The following IL27RA variants were observed in gnomAD, a reference collection of about 807,000 sequenced individuals.
IL27RA encodes the protein interleukin 27 receptor subunit alpha.
A neutral mutation model predicts 80.8 loss-of-function variants in IL27RA; 61 were observed. The observed-to-expected ratio is 0.76, with a 90% CI of 0.61 to 0.93. IL27RA has a LOEUF of 0.93. Ranked by LOEUF, IL27RA falls within the 40% of genes least tolerant of loss-of-function variation. The pLI is 0.00. For missense variants in IL27RA, 735 were observed against 808.1 expected, an observed-to-expected ratio of 0.91 and a Z score of 1.10; for synonymous variants, 316 against 332.5, an observed-to-expected ratio of 0.95 and a Z score of 0.54.
intron 2 of IL27RA, among the ~76,000 whole-genome samples, chr19:14,039,043 G>A (rs2145688547): frequency 6.6e-6 from 1 of 152,136 alleles, no homozygotes; most frequent in Admixed American, 6.5e-5. Context: ...TTAGCAATTT[G>A]GGAGGCCGAG....
intron 10 of IL27RA, 32 bp from the exon 11 acceptor site, chr19:14,050,726 A>G (rs1372868532): frequency 1.3e-6 from 2 of 1,593,488 alleles, no homozygotes; most frequent in Admixed American, 1.7e-5. Flanking sequence ...AGGCTTGACC[A>G]CCTCCCCAAC....
At chr19:14,032,766 A>G (rs1975839173) in intron 2 of IL27RA, among the ~76,000 whole-genome samples, 1 of 141,880 alleles carries the variant, frequency 7.0e-6, no homozygotes, top group South Asian at 2.3e-4. Flanking sequence ...AGATCTCGCC[A>G]CTGCACTCCA....
Position 14,032,392 on chromosome 19 carries a change from C to T in IL27RA, c.107C>T (p.Ala36Val). The change falls in exon 2 of 14, where the codon GCC becomes GTC. Residue 36 changes from alanine to valine, a missense_variant. By Grantham distance (64) the Ala-to-Val change is moderately conservative. Coordinates refer to ENST00000263379, the MANE Select transcript of IL27RA (RefSeq NM_004843.4). ...LFQRTRPQGS[A>V]GPLQCYGVGP... ...CCTCTGACTCCCTCTCCAGGCAGCGCCGGGCCACTGCAGTGCTACGGAGTT... is the reference window on the plus strand; with the variant it reads ...CCTCTGACTCCCTCTCCAGGCAGCGTCGGGCCACTGCAGTGCTACGGAGTT... 6.2e-7 allele frequency: 1 copy of T among 1,612,768 alleles called. No homozygotes were observed. The highest frequency in any genetic ancestry group is 8.5e-7 in the Non-Finnish European group (1 of 1,179,098).
At chr19:14,038,772 C>T (rs556570500) in intron 2 of IL27RA, among the ~76,000 whole-genome samples, 1 of 150,132 alleles carries the variant, frequency 6.7e-6, no homozygotes, top group East Asian at 2.0e-4. Flanking sequence ...TAATTCCAGC[C>T]ACTAGGGAGG....
chr19:14,033,606 G>A (rs1385276876), intron 2 of IL27RA, among the ~76,000 whole-genome samples: 3 of 151,310 alleles, frequency 2.0e-5, no homozygotes, highest in Non-Finnish European at 2.9e-5. Context: ...CAGAGGTTGC[G>A]GTGAGCTAAG....
rs902969053 is a variant in IL27RA at position 14,045,446 on chromosome 19, A to G, written c.769-708A>G. ...GAAACCCCGTCTCTACTAAAAATAC[A>G]AAAAATTAGCCGGACGTGGTGGCAG... On this transcript the variant is annotated intron_variant, in intron 6 of 13. Coordinates refer to ENST00000263379, the MANE Select transcript of IL27RA (RefSeq NM_004843.4). 4.7e-5 allele frequency among the ~76,000 whole-genome samples: 7 copies of G among 149,250 alleles called. No homozygotes were observed. The South Asian group carries it at 6.4e-4, about 14-fold the overall frequency.
In IL27RA at chr19:14,046,452, C is replaced by T. The variant is rs969857527; in HGVS notation, c.975C>T (p.Ser325=). 1.9e-5 allele frequency: 31 copies of T among 1,614,020 alleles called. No individual in the cohort carries two copies. Among genetic ancestry groups the T allele is most frequent in the Middle Eastern group, 1.6e-4 (1 of 6,084 alleles). The change falls in exon 8 of 14, where the codon AGC becomes AGT. Residue 325 remains serine (S), a synonymous_variant. Transcript: ENST00000263379. The stretch of plus-strand genomic sequence containing the variant: ...CAGATTCAGCCTCTGCCCCCCGTAG[C>T]GTGGCAGTCAGCAGCATCGCTGGGA... The part of the protein sequence containing the change: ...VCLDSASAPR[S]VAVSSIAGST...
chr19:14,037,958 G>A (rs1975931311), intron 2 of IL27RA, among the ~76,000 whole-genome samples: 1 of 151,486 alleles, frequency 6.6e-6, no homozygotes, highest in African/African-American at 2.4e-5. Flanking sequence ...AGCCTTCCGA[G>A]TAGCTGGGAT....
intron 8 of IL27RA, among the ~76,000 whole-genome samples, chr19:14,047,183 A>G (rs765776900): frequency 5.5e-5 from 8 of 146,080 alleles, no homozygotes; most frequent in Admixed American, 4.8e-4. Context: ...AGCTGGGACT[A>G]TGGGAGCGTA....
chr19:14,050,114 C>T (rs557771556), intron 10 of IL27RA, among the ~76,000 whole-genome samples: 1 of 151,936 alleles, frequency 6.6e-6, no homozygotes, highest in South Asian at 2.1e-4. Context: ...TGCTTGAATC[C>T]GGGAGGTGGA....
chr19:14,033,590 A>G (rs2145684626), intron 2 of IL27RA, among the ~76,000 whole-genome samples: 1 of 151,864 alleles, frequency 6.6e-6, no homozygotes, highest in South Asian at 2.1e-4. Context: ...ACTTGAACCC[A>G]GGAGGCAGAG....
chr19:14,032,254 C>T, intron 1 of IL27RA, 132 bp from the exon 2 acceptor site: 2 of 762,496 alleles, frequency 2.6e-6, no homozygotes, highest in East Asian at 2.5e-5. Flanking sequence ...GGGTGCCTAG[C>T]GCCTCCCTTC....
chr19:14,045,099 G>A (rs181273166), intron 6 of IL27RA, among the ~76,000 whole-genome samples: 246 of 148,082 alleles, frequency 1.7e-3, no homozygotes, highest in African/African-American at 5.4e-3. Flanking sequence ...CAGCCTGGGT[G>A]ACAGAATGAG....
chr19:14,049,063 G>A lies in IL27RA; in HGVS notation c.1224G>A (p.Trp408Ter). 1 of 1,613,666 alleles carries A rather than the reference G, an allele frequency of 6.2e-7. No homozygotes were observed. The highest frequency in any genetic ancestry group is 1.1e-5 in the South Asian group (1 of 91,030). The stretch of plus-strand genomic sequence containing the variant: ...GCTTGGCCTCTGCATCCTCCGTCTG[G>A]GGGTTCAGGGAGGAATTAGGTAAGA... ...ASGLASASSV[W>*]GFREELAPLV... The change falls in exon 9 of 14, where the codon TGG (tryptophan) becomes TGA (stop). Residue 408 changes from tryptophan to a stop codon, truncating the protein, a stop_gained. Coordinates refer to ENST00000263379, the MANE Select transcript of IL27RA (RefSeq NM_004843.4). LOFTEE classifies it high-confidence loss of function.
intron 2 of IL27RA, among the ~76,000 whole-genome samples, chr19:14,034,658 T>TA (rs75758451): frequency 5.1e-4 from 61 of 119,358 alleles, no homozygotes; most frequent in South Asian, 5.2e-4. Flanking sequence ...AGACTCTGTC[T>TA]AAAAAAAAAA....
Position 14,031,784 on chromosome 19 carries a change from C to A in IL27RA, c.-89C>A, listed in dbSNP as rs1486905979. The stretch of plus-strand genomic sequence containing the variant: ...GTGGTTCGGCTTCCCGTTGCCGCCT[C>A]GGGCGCTGTACCCAGAGCTCGAAGA... On this transcript the variant is annotated 5_prime_UTR_variant, in exon 1 of 14. Coordinates refer to ENST00000263379, the MANE Select transcript of IL27RA (RefSeq NM_004843.4). 4.4e-6 allele frequency: 5 copies of A among 1,126,636 alleles called. No homozygotes were observed. In the African/African-American group the frequency reaches 6.4e-5, roughly 15 times the overall value. 69.8% of individuals were successfully genotyped at this position (1,126,636 alleles called of 1,614,324 possible).
intron 2 of IL27RA, 77 bp from the exon 3 acceptor site, chr19:14,039,431 C>T: frequency 2.0e-6 from 3 of 1,510,124 alleles, no homozygotes; most frequent in Admixed American, 3.9e-5. Context: ...TGCAGCCACT[C>T]TGTTGGCACA....
At chr19:14,044,177 G>A (rs1294394333) in intron 6 of IL27RA, among the ~76,000 whole-genome samples, 1 of 151,970 alleles carries the variant, frequency 6.6e-6, no homozygotes, top group Non-Finnish European at 1.5e-5. Context: ...CAGTAAATAA[G>A]CAAAGGAACA....
At chr19:14,039,106 GA>G (rs1355531325) in intron 2 of IL27RA, among the ~76,000 whole-genome samples, 1 of 151,880 alleles carries the variant, frequency 6.6e-6, no homozygotes, top group African/African-American at 2.4e-5. Context: ...CCAACATGGT[GA>G]AACCCCATCG....
Sources: allele counts gnomAD v4.1 joint callset (sites outside exome capture counted in the v4.1 genomes callset), GRCh38; gene constraint gnomAD v4.1.1; transcripts MANE v1.5; gene names NCBI Gene and HGNC (gene_info 2026-07-23, HGNC 2026-07-21).